Variants in CARM1 observed in about 807,000 individuals in gnomAD.
The protein encoded by CARM1 is histone-arginine methyltransferase CARM1.
CARM1 carries 14 observed loss-of-function variants against 72.7 expected under a neutral mutation model. That is an observed-to-expected ratio of 0.19 (90% CI 0.13 to 0.30). CARM1 has a LOEUF of 0.30. Ranked by LOEUF, CARM1 falls within the 10% of genes least tolerant of loss-of-function variation. CARM1 has a pLI of 1.00. For synonymous variants in CARM1, 333 were observed against 345.5 expected (o/e 0.96, Z 0.40); for missense variants, 432 against 833.7 (o/e 0.52, Z 5.93).
intron 1 of CARM1, among the ~76,000 whole-genome samples, chr19:10,879,493 G>A (rs1039598489): frequency 6.6e-6 from 1 of 152,206 alleles, no homozygotes; most frequent in Non-Finnish European, 1.5e-5. Flanking sequence ...GACGTTTCTG[G>A]GTTATGGAGA....
At chr19:10,918,018 G>A (rs1053254756) in intron 8 of CARM1, among the ~76,000 whole-genome samples, 1 of 151,558 alleles carries the variant, frequency 6.6e-6, no homozygotes, top group Non-Finnish European at 1.5e-5. Flanking sequence ...AGCGTGTTCA[G>A]TCTTTTGTGA....
chr19:10,891,089 A>G (rs747512536), intron 1 of CARM1, among the ~76,000 whole-genome samples: 15 of 150,920 alleles, frequency 9.9e-5, no homozygotes, highest in East Asian at 5.9e-4. Context: ...TCTGGGCCCA[A>G]TATGGCCTTG....
At chr19:10,883,542 C>T (rs367987223) in intron 1 of CARM1, among the ~76,000 whole-genome samples, 6 of 152,298 alleles carry the variant, frequency 3.9e-5, no homozygotes, top group East Asian at 1.9e-4. Flanking sequence ...TCCACGGTGC[C>T]GGCCCTGCCA....
intron 1 of CARM1, among the ~76,000 whole-genome samples, chr19:10,894,115 G>C (rs939529858): frequency 1.3e-5 from 2 of 152,220 alleles, no homozygotes; most frequent in Admixed American, 6.5e-5. Flanking sequence ...TCCCGAGTCT[G>C]CCTGGAATCT....
chr19:10,876,678 G>T (rs1568344689), intron 1 of CARM1, among the ~76,000 whole-genome samples: 1 of 152,262 alleles, frequency 6.6e-6, no homozygotes, highest in Non-Finnish European at 1.5e-5. Flanking sequence ...CCAACACCAG[G>T]CCATTTTCCC....
Position 10,920,557 on chromosome 19 carries a change from C to T in CARM1, c.1318C>T (p.Leu440Phe), listed in dbSNP as rs2074233701. Reference protein sequence around the residue: ...AGDTLSGTCLLIANKRQSYDI... With the variant: ...AGDTLSGTCLFIANKRQSYDI... ...GGACACGCTCTCAGGGACATGTCTG[C>T]TTATTGCCAACAAAAGGTGCGACTG... The change falls in exon 11 of 16, where the codon CTT (leucine) becomes TTT (phenylalanine). Residue 440 changes from leucine (L) to phenylalanine (F), a missense_variant. Coordinates refer to ENST00000327064, the MANE Select transcript of CARM1 (RefSeq NM_199141.2). The surrounding 1 kb of genome is among the most constrained non-coding windows in gnomAD (Gnocchi z 5.3). 1 of 1,613,968 alleles carries T rather than the reference C, an allele frequency of 6.2e-7. No homozygotes were observed. The highest frequency in any genetic ancestry group is 8.5e-7 in the Non-Finnish European group (1 of 1,179,896).
intron 8 of CARM1, chr19:10,919,339 T>TC: frequency 2.1e-6 from 1 of 480,498 alleles, no homozygotes; most frequent in Non-Finnish European, 3.7e-6. Context: ...GTTGATGTGT[T>TC]CATGTATCTG....
At chr19:10,884,193 T>C (rs1199444975) in intron 1 of CARM1, among the ~76,000 whole-genome samples, 2 of 150,476 alleles carry the variant, frequency 1.3e-5, no homozygotes, top group African/African-American at 2.5e-5. Context: ...ACACAAAAAT[T>C]ATCCAGGCAT....
chr19:10,890,269 G>T (rs376455595), intron 1 of CARM1, among the ~76,000 whole-genome samples: 33,305 of 135,774 alleles, frequency 0.25, 3,736 homozygotes, highest in Middle Eastern at 0.32. Context: ...TGTTTTGTTT[G>T]TTTTTTTTTT....
At chr19:10,913,788 G>C in intron 5 of CARM1, 89 bp from the exon 6 acceptor site, 1 of 1,365,000 alleles carries the variant, frequency 7.3e-7, no homozygotes, top group Non-Finnish European at 1.0e-6. Flanking sequence ...GCCCATGTGT[G>C]GATGGAGGCT....
At position 10,875,715 on chromosome 19, in the gene CARM1, T is replaced by C. The variant is rs535219371; in HGVS notation, c.220+3793T>C. Among the ~76,000 whole-genome samples, 616 of 149,966 alleles carry C rather than the reference T, an allele frequency of 4.1e-3. 3 individuals are homozygous for C. The highest frequency in any genetic ancestry group is 0.013 in the African/African-American group (536 of 40,832). On this transcript the variant is annotated intron_variant, in intron 1 of 15. Coordinates refer to ENST00000327064, the MANE Select transcript of CARM1 (RefSeq NM_199141.2). The stretch of plus-strand genomic sequence containing the variant: ...CTGGGATTACAGGCTTGAGCCACCG[T>C]GCCCGGCCCCAGCTGTTCTTTTCTT...
intron 8 of CARM1, among the ~76,000 whole-genome samples, chr19:10,917,255 G>C (rs1438074762): frequency 1.3e-5 from 2 of 152,092 alleles, no homozygotes; most frequent in Non-Finnish European, 2.9e-5. Context: ...GGGAGGCCAA[G>C]GCGGGCAGAT....
chr19:10,882,172 G>A (rs1322733607), intron 1 of CARM1, among the ~76,000 whole-genome samples: 5 of 152,172 alleles, frequency 3.3e-5, no homozygotes, highest in Non-Finnish European at 7.3e-5. Flanking sequence ...TGAGTGGCGA[G>A]CTGATAGAAG....
chr19:10,876,707 C>T (rs2073867298), intron 1 of CARM1, among the ~76,000 whole-genome samples: 1 of 152,244 alleles, frequency 6.6e-6, no homozygotes, highest in South Asian at 2.1e-4. Context: ...GGGGGAGGCC[C>T]TTTGGCGTGG....
At position 10,913,763 on chromosome 19, in the gene CARM1, A is replaced by G. The variant is rs565336841; in HGVS notation, c.670-114A>G. 585 of 1,108,310 alleles carry G rather than the reference A, an allele frequency of 5.3e-4. 4 individuals are homozygous for G. The African/African-American group carries it at 8.3e-3, about 16-fold the overall frequency. The allele number at this position is 1,108,310 out of a possible 1,614,324, so 68.7% of individuals were successfully genotyped here. A position where few individuals can be genotyped will look rare whatever the true frequency, so the allele number is the denominator to read the frequency against. The stretch of plus-strand genomic sequence containing the variant: ...TGGTTGGGGCGCCAGCGAAGCAGGC[A>G]GAGGGGCACCCAATGCCCATGTGTG... On this transcript the variant is annotated intron_variant, in intron 5 of 15. Coordinates refer to ENST00000327064, the MANE Select transcript of CARM1 (RefSeq NM_199141.2).
Position 10,920,376 on chromosome 19 carries a change from G to GGTGGTGGCTCCA in CARM1, c.1197-51_1197-40dup. On this transcript the variant is annotated intron_variant, in intron 10 of 15. Transcript: ENST00000327064. The surrounding 1 kb of genome is among the most constrained non-coding windows in gnomAD (Gnocchi z 5.3). ...CTTGGGGAGGACTCAAGGCATACAA[G>GGTGGTGGCTCCA]GTGGTGGCTCCAGTGGTGGCGCCGG... 1 of 1,569,916 alleles carries GGTGGTGGCTCCA rather than the reference G, an allele frequency of 6.4e-7. No individual in the cohort carries two copies. The highest frequency in any genetic ancestry group is 8.7e-7 in the Non-Finnish European group (1 of 1,152,754).
intron 1 of CARM1, among the ~76,000 whole-genome samples, chr19:10,889,418 G>C (rs1430773472): frequency 6.6e-6 from 1 of 151,788 alleles, no homozygotes; most frequent in African/African-American, 2.4e-5. Flanking sequence ...CAGTTCAAAG[G>C]ATTCTTCTGC....
chr19:10,914,483 G>A (rs2074179662), intron 6 of CARM1, among the ~76,000 whole-genome samples: 1 of 152,224 alleles, frequency 6.6e-6, no homozygotes, highest in Non-Finnish European at 1.5e-5. Flanking sequence ...GTGTGAGGAG[G>A]TGAGGTAGCT....
chr19:10,898,895 G>A (rs1365987751), intron 1 of CARM1, among the ~76,000 whole-genome samples: 1 of 152,236 alleles, frequency 6.6e-6, no homozygotes, highest in Non-Finnish European at 1.5e-5. Context: ...GAGGCCTGGG[G>A]CCTGGCCCAT....
Sources: gnomAD v4.1 joint callset for allele counts (sites outside exome capture counted in the v4.1 genomes callset) on GRCh38, gnomAD v4.1.1 for gene constraint, Gnocchi (gnomAD v3.1) non-coding constraint, MANE v1.5 for transcripts, NCBI Gene and HGNC (gene_info 2026-07-23, HGNC 2026-07-21) for gene names.